The following RBFOX3 variants were observed in gnomAD, a reference collection of about 807,000 sequenced individuals.
RBFOX3 encodes RNA binding fox-1 homolog 3, also known as RNA binding protein fox-1 homolog 3.
Under a neutral mutation model 48.7 loss-of-function variants are expected in RBFOX3, and 17 were observed. The ratio of observed to expected loss-of-function variants is 0.35; its 90% CI spans 0.24 to 0.52. RBFOX3 has a LOEUF of 0.52. Among genes scored for constraint, RBFOX3 ranks in the 20% least tolerant of loss-of-function variants. The pLI is 0.94. For missense variants in RBFOX3, 382 were observed against 497.5 expected (o/e 0.77, Z 2.21); for synonymous variants, 212 against 209.5 (o/e 1.01, Z -0.10).
At chr17:79,155,410 G>A (rs1270127853) in intron 4 of RBFOX3, among the ~76,000 whole-genome samples, 3 of 152,386 alleles carry the variant, frequency 2.0e-5, no homozygotes, top group African/African-American at 4.8e-5. Context: ...AGGGAGGTCC[G>A]GGGCGGCAGG....
chr17:79,521,301 TAC>T (rs1253216689), intron 1 of RBFOX3, among the ~76,000 whole-genome samples: 2 of 145,634 alleles, frequency 1.4e-5, no homozygotes, highest in Non-Finnish European at 3.0e-5. Context: ...CACTCACAGA[TAC>T]ACACACATGC....
intron 4 of RBFOX3, among the ~76,000 whole-genome samples, chr17:79,123,150 T>C (rs975915041): frequency 6.6e-6 from 1 of 152,090 alleles, no homozygotes; most frequent in Non-Finnish European, 1.5e-5. Context: ...TTTGATGGTA[T>C]AACAGGGTGA....
At chr17:79,321,544 T>C (rs1350639979) in intron 2 of RBFOX3, among the ~76,000 whole-genome samples, 1 of 151,970 alleles carries the variant, frequency 6.6e-6, no homozygotes, top group Admixed American at 6.6e-5. Context: ...ACGGTGGTGA[T>C]GTGGGAGCTC....
intron 1 of RBFOX3, among the ~76,000 whole-genome samples, chr17:79,483,015 G>A (rs1317678529): frequency 6.6e-6 from 1 of 151,408 alleles, no homozygotes; most frequent in African/African-American, 2.4e-5. Context: ...ACCACTGTCC[G>A]CACTCTCCCA....
chr17:79,498,266 G>A (rs2081858033), intron 1 of RBFOX3, among the ~76,000 whole-genome samples: 1 of 152,058 alleles, frequency 6.6e-6, no homozygotes, highest in Non-Finnish European at 1.5e-5. Flanking sequence ...CGCTCCTTTG[G>A]GCAGCATTCT....
At chr17:79,226,290 T>G (rs1011233159) in intron 4 of RBFOX3, among the ~76,000 whole-genome samples, 1 of 152,080 alleles carries the variant, frequency 6.6e-6, no homozygotes, top group Non-Finnish European at 1.5e-5. Context: ...ACAGGAGGAT[T>G]TGGAGCAGAG....
At chr17:79,629,504 G>A in the RBFOX3 span, among the ~76,000 whole-genome samples, 7 of 152,210 alleles carry the variant, frequency 4.6e-5, no homozygotes, top group African/African-American at 1.7e-4. Flanking sequence ...GTGCTTCAGG[G>A]GGTGCGGGGA....
chr17:79,164,363 T>C (rs985101567), intron 4 of RBFOX3, among the ~76,000 whole-genome samples: 1 of 152,184 alleles, frequency 6.6e-6, no homozygotes, highest in Non-Finnish European at 1.5e-5. Flanking sequence ...GTCATCCCAC[T>C]TAACCCTGAA....
At chr17:79,240,404 A>G (rs2062187059) in intron 3 of RBFOX3, among the ~76,000 whole-genome samples, 1 of 152,224 alleles carries the variant, frequency 6.6e-6, no homozygotes. Context: ...TTACTTGATT[A>G]TGGGGAAGGT....
rs1477289285 is a variant in RBFOX3, at chr17:79,480,309, T to A, written c.-175+2145A>T. Among the ~76,000 whole-genome samples, 1 of 152,040 alleles carries A rather than the reference T, an allele frequency of 6.6e-6. No individual in the cohort carries two copies. The highest frequency in any genetic ancestry group is 1.9e-4 in the East Asian group (1 of 5,182). On this transcript the variant is annotated intron_variant, in intron 2 of 14. Coordinates refer to ENST00000693108, the MANE Select transcript of RBFOX3 (RefSeq NM_001350451.2). This position sits in a 1 kb window ranked among gnomAD's most constrained non-coding sequence, Gnocchi z 4.8. ...GGTTTATCTCAGACATGGGCCCAGA[T>A]CCACCACTCCTCTCCTCCCGGGTCC...
intron 4 of RBFOX3, among the ~76,000 whole-genome samples, chr17:79,138,754 CA>C (rs1233767471): frequency 1.0e-4 from 1 of 9,654 alleles, no homozygotes; most frequent in African/African-American, 3.0e-4. Flanking sequence ...GTGTTCACAC[CA>C]CCATCCACAA....
intron 1 of RBFOX3, among the ~76,000 whole-genome samples, chr17:79,519,222 G>A (rs906728449): frequency 4.6e-5 from 7 of 152,244 alleles, no homozygotes; most frequent in African/African-American, 1.7e-4. Flanking sequence ...TCGGCAGATG[G>A]GGCCATCCCT....
intron 4 of RBFOX3, among the ~76,000 whole-genome samples, chr17:79,137,516 C>T (rs576454252): frequency 6.6e-6 from 1 of 152,208 alleles, no homozygotes; most frequent in Non-Finnish European, 1.5e-5. Flanking sequence ...AGCAGTGCAC[C>T]TGCACACCTA....
Position 79,443,518 on chromosome 17 carries a change from G to A in RBFOX3, c.-175+38936C>T, listed in dbSNP as rs1396548071. ...TTGCCTCAGCCTCTTGAGTAGCTGG[G>A]ATTATAGGCACCTGACACCACTCCC... On this transcript the variant is annotated intron_variant, in intron 2 of 14. Coordinates refer to ENST00000693108, the MANE Select transcript of RBFOX3 (RefSeq NM_001350451.2). This position sits in a 1 kb window ranked among gnomAD's most constrained non-coding sequence, Gnocchi z 4.4. Among the ~76,000 whole-genome samples the A allele has an allele frequency of 6.6e-6, 1 of 152,074 alleles. No individual in the cohort carries two copies. Among genetic ancestry groups the A allele is most frequent in the African/African-American group, 2.4e-5 (1 of 41,414 alleles).
intron 4 of RBFOX3, among the ~76,000 whole-genome samples, chr17:79,197,529 C>T (rs985757408): frequency 4.0e-5 from 6 of 148,456 alleles, no homozygotes; most frequent in African/African-American, 1.0e-4. Context: ...GCTGGGATTA[C>T]AGGCATGTGC....
intron 4 of RBFOX3, among the ~76,000 whole-genome samples, chr17:79,138,360 C>T (rs2040771315): frequency 6.6e-6 from 1 of 152,120 alleles, no homozygotes; most frequent in African/African-American, 2.4e-5. Flanking sequence ...CAGGTGTGAA[C>T]ACCCGCACGC....
intron 4 of RBFOX3, among the ~76,000 whole-genome samples, chr17:79,141,171 G>A (rs775463340): frequency 2.6e-4 from 39 of 152,226 alleles, no homozygotes; most frequent in Non-Finnish European, 2.4e-4. Flanking sequence ...CTGGACTGAT[G>A]AGCACTGTGG....
At chr17:79,613,249 G>A (rs1436580237), upstream of RBFOX3, among the ~76,000 whole-genome samples, 4 of 152,228 alleles carry the variant, frequency 2.6e-5, no homozygotes, top group Non-Finnish European at 2.9e-5. Flanking sequence ...CTGCTCAGAC[G>A]CCCGGGTGGT....
At chr17:79,175,201 G>C (rs1359152734) in intron 4 of RBFOX3, among the ~76,000 whole-genome samples, 1 of 152,244 alleles carries the variant, frequency 6.6e-6, no homozygotes, top group African/African-American at 2.4e-5. Context: ...AGGACACATG[G>C]CTGAACAGCG....
Sources: allele counts gnomAD v4.1 joint callset (sites outside exome capture counted in the v4.1 genomes callset), GRCh38; gene constraint gnomAD v4.1.1; non-coding constraint Gnocchi (gnomAD v3.1); transcripts MANE v1.5; gene names NCBI Gene and HGNC (gene_info 2026-07-23, HGNC 2026-07-21).